Variants in SPTLC1 observed in about 807,000 individuals in gnomAD.
The protein encoded by SPTLC1 is serine palmitoyltransferase long chain base subunit 1, also known as serine palmitoyltransferase 1.
Under a neutral mutation model 68.9 loss-of-function variants are expected in SPTLC1, and 55 were observed. That is an observed-to-expected ratio of 0.80 (90% confidence interval 0.64 to 1.00). The LOEUF (loss-of-function observed/expected upper bound fraction) is 1.00. Ranked by LOEUF, SPTLC1 falls within the 50% of genes least tolerant of loss-of-function variation. The probability of loss-of-function intolerance (pLI) is 0.00; values close to 1 mark genes in which losing one functional copy is unlikely to be tolerated. For synonymous variants in SPTLC1, 197 were observed against 201.6 expected (o/e 0.98, Z 0.19); for missense variants, 449 against 573.1 (o/e 0.78, Z 2.21).
intron 12 of SPTLC1, among the ~76,000 whole-genome samples, chr9:92,045,600 AATTT>A (rs1833488798): frequency 6.7e-6 from 1 of 149,892 alleles, no homozygotes; most frequent in African/African-American, 2.5e-5. Flanking sequence ...AAAACTTAGT[AATTT>A]ATTAAAAAGT....
chr9:92,079,610 C>A lies in SPTLC1; in HGVS notation c.427+406G>T, dbSNP rs1261629565. ...ACACTGTTTATCCCCCCTCCCTCCA[C>A]CCCAGGCAATCTGCTCTCCACTTTC... is the stretch of plus-strand genomic sequence containing the variant. On this transcript the variant is annotated intron_variant, in intron 5 of 14. Coordinates refer to ENST00000262554, the MANE Select transcript of SPTLC1 (RefSeq NM_006415.4). 3 of 1,532,350 alleles carry A rather than the reference C, an allele frequency of 2.0e-6. No homozygotes were observed. In the South Asian group the frequency reaches 3.4e-5, roughly 17 times the overall value. The allele number at this position is 1,532,350 out of a possible 1,614,324, so 94.9% of individuals were successfully genotyped here.
chr9:92,047,384 G>T (rs185282307), intron 10 of SPTLC1, 116 bp from the exon 11 acceptor site: 2 of 876,592 alleles, frequency 2.3e-6, no homozygotes, highest in East Asian at 2.6e-5. Context: ...GGTGAGGGGG[G>T]TAAGATCCAG....
chr9:92,074,945 C>T (rs530805374), intron 5 of SPTLC1, among the ~76,000 whole-genome samples: 2 of 152,118 alleles, frequency 1.3e-5, no homozygotes, highest in Non-Finnish European at 2.9e-5. Flanking sequence ...TGACACCCAC[C>T]AGTCCCAACA....
intron 6 of SPTLC1, among the ~76,000 whole-genome samples, chr9:92,063,348 T>C (rs1034533396): frequency 3.3e-5 from 5 of 152,134 alleles, no homozygotes; most frequent in African/African-American, 1.2e-4. Context: ...GCCTGATAAC[T>C]ACTAAGGAAA....
rs571614188 is a variant in SPTLC1, at chr9:92,091,738, T to C, written c.261-10775A>G. On this transcript the variant is annotated intron_variant, in intron 3 of 14. Transcript: ENST00000262554. Reference sequence around the variant, plus strand: ...CAAATAAGTTAGTAATCAAAATAAATGTAAACAGATTAAACTCCTCAGTTA... The same window carrying C: ...CAAATAAGTTAGTAATCAAAATAAACGTAAACAGATTAAACTCCTCAGTTA... Among the ~76,000 whole-genome samples the C allele has an allele frequency of 3.3e-5, 5 of 152,290 alleles. No individual in the cohort carries two copies. The East Asian group carries it at 9.6e-4, about 29-fold the overall frequency.
At chr9:92,112,648 C>T in intron 1 of SPTLC1, 86 bp from the exon 2 acceptor site, 1 of 816,840 alleles carries the variant, frequency 1.2e-6, no homozygotes, top group Non-Finnish European at 2.1e-6. Flanking sequence ...CATATACTGC[C>T]TCCTGTGACT....
intron 3 of SPTLC1, among the ~76,000 whole-genome samples, chr9:92,089,790 C>T (rs1041365496): frequency 6.6e-6 from 1 of 152,124 alleles, no homozygotes; most frequent in Admixed American, 6.5e-5. Context: ...GAATAAATTA[C>T]AAGAAGACAC....
intron 1 of SPTLC1, among the ~76,000 whole-genome samples, chr9:92,114,719 G>A (rs1282497315): frequency 6.6e-5 from 10 of 150,492 alleles, no homozygotes; most frequent in African/African-American, 1.7e-4. Context: ...TGAGCAACAA[G>A]TGCGAAACAC....
chr9:92,035,975 T>A (rs1269677344), intron 13 of SPTLC1, among the ~76,000 whole-genome samples: 1 of 152,208 alleles, frequency 6.6e-6, no homozygotes, highest in East Asian at 1.9e-4. Context: ...CAACTCAACA[T>A]AAACTTGGCA....
At chr9:92,059,056 G>T in intron 7 of SPTLC1, 123 bp downstream of exon 7, 3 of 1,164,130 alleles carry the variant, frequency 2.6e-6, no homozygotes, top group Non-Finnish European at 2.5e-6. Context: ...TAATAAGCAG[G>T]AACACCTTAA....
At chr9:92,068,861 C>G (rs1024708892) in intron 5 of SPTLC1, among the ~76,000 whole-genome samples, 1 of 152,194 alleles carries the variant, frequency 6.6e-6, no homozygotes, top group Non-Finnish European at 1.5e-5. Flanking sequence ...AAATAGGCCA[C>G]TGGCCAGCTT....
At chr9:92,086,166 A>G (rs1418171871) in intron 3 of SPTLC1, among the ~76,000 whole-genome samples, 5 of 152,092 alleles carry the variant, frequency 3.3e-5, no homozygotes, top group Non-Finnish European at 7.4e-5. Context: ...TCCTGAATGC[A>G]GCACACTGAT....
At position 92,047,226 on chromosome 9, in the gene SPTLC1, G is replaced by T; in HGVS notation, c.1027C>A (p.Pro343Thr). The T allele has an allele frequency of 6.2e-7, 1 of 1,614,128 alleles. No homozygotes were observed. The highest frequency in any genetic ancestry group is 1.1e-5 in the South Asian group (1 of 91,082). The change falls in exon 11 of 15, where the codon CCC (proline) becomes ACC (threonine). Residue 343 changes from proline (P) to threonine (T), a missense_variant. Pro to Thr is a conservative substitution (Grantham distance 38). Around this residue, in one of 3 missense-constraint regions of SPTLC1, gnomAD observed 391 missense variants for 472.1 expected, o/e 0.83. Coordinates refer to ENST00000262554, the MANE Select transcript of SPTLC1 (RefSeq NM_006415.4). Reference protein sequence around the residue: ...QGYCFSASLPPLLAAAAIEAL... With the variant: ...QGYCFSASLPTLLAAAAIEAL... ...TCAATTGCTGCAGCAGCTAACAGGG[G>T]AGGTAACGAAGCTGAAAAGCAGTAT... is the stretch of plus-strand genomic sequence containing the variant.
intron 5 of SPTLC1, among the ~76,000 whole-genome samples, chr9:92,075,432 C>T (rs888005509): frequency 6.6e-6 from 1 of 152,144 alleles, no homozygotes; most frequent in African/African-American, 2.4e-5. Flanking sequence ...CCTCCTTTTA[C>T]TCTAAAAAAG....
At position 92,047,599 on chromosome 9, in the gene SPTLC1, T is replaced by TAA. The variant is rs1404464534; in HGVS notation, c.984+12_984+13dup. ...TAGTTTCAGTTTTAGCTCCTGTTTT[T>TAA]AAAAAGAACCCACCTGATGGTCAAT... On this transcript the variant is annotated intron_variant, in intron 10 of 14. Transcript: ENST00000262554. The TAA allele has an allele frequency of 6.3e-7, 1 of 1,591,916 alleles. No individual in the cohort carries two copies. The highest frequency in any genetic ancestry group is 2.2e-5 in the East Asian group (1 of 44,752).
intron 6 of SPTLC1, among the ~76,000 whole-genome samples, chr9:92,063,944 T>C (rs902923454): frequency 2.0e-5 from 3 of 152,220 alleles, no homozygotes; most frequent in Non-Finnish European, 4.4e-5. Flanking sequence ...ATATCAGGAA[T>C]AGGGCAAGAA....
rs1834001897 is a variant in SPTLC1 at position 92,059,202 on chromosome 9, C to A, written c.667G>T (p.Glu223Ter). The change falls in exon 7 of 15, where the codon GAA becomes TAA. Residue 223 changes from glutamate to a stop codon, truncating the protein, a stop_gained. Transcript: ENST00000262554. LOFTEE classifies it high-confidence loss of function. ...DMADLERLLK[E>*]QEIEDQKNPR... ...ACCTTTTGATCTTCGATCTCTTGTT[C>A]TTTTAGTAGTCGCTCGAGGTCAGCC... 7 of 1,613,846 alleles carry A rather than the reference C, an allele frequency of 4.3e-6. No homozygotes were observed. Among genetic ancestry groups the A allele is most frequent in the Non-Finnish European group, 5.9e-6 (7 of 1,179,918 alleles).
chr9:92,075,653 T>TA (rs1190302944), intron 5 of SPTLC1, among the ~76,000 whole-genome samples: 1 of 152,184 alleles, frequency 6.6e-6, no homozygotes, highest in Non-Finnish European at 1.5e-5. Flanking sequence ...CTTATACTCT[T>TA]AGAGTCTCTC....
intron 3 of SPTLC1, among the ~76,000 whole-genome samples, chr9:92,099,874 A>G (rs1835682196): frequency 6.6e-6 from 1 of 152,170 alleles, no homozygotes. Context: ...AACATGCTGT[A>G]TAGTTTGTGA....
Sources: gnomAD v4.1 joint callset for allele counts (sites outside exome capture counted in the v4.1 genomes callset) on GRCh38, gnomAD v4.1.1 for gene constraint, gnomAD v4.1.1 regional missense constraint, MANE v1.5 for transcripts, NCBI Gene and HGNC (gene_info 2026-07-23, HGNC 2026-07-21) for gene names.